KANSL1: variants seen among roughly 807,000 people sequenced by gnomAD.
The protein encoded by KANSL1 is KAT8 regulatory NSL complex subunit 1.
KANSL1 carries 22 observed loss-of-function variants against 103.6 expected under a neutral mutation model. That is an observed-to-expected ratio of 0.21 (90% CI 0.15 to 0.30). The LOEUF is 0.30. KANSL1 is among the 10% of genes least tolerant of loss of function. KANSL1 has a pLI of 1.00. For missense variants in KANSL1, 1,337 were observed against 1,399.8 expected (o/e 0.96, Z 0.72); for synonymous variants, 600 against 527.6 (o/e 1.14, Z -1.88).
At chr17:46,040,554 C>T (rs551824392) in intron 7 of KANSL1, 29 of 152,328 alleles carry the variant, frequency 1.9e-4, no homozygotes, top group African/African-American at 6.0e-4. Flanking sequence ...TAGATTTAAA[C>T]CATTTTCCTC....
upstream of KANSL1, among the ~76,000 whole-genome samples, chr17:46,195,847 A>G (rs937230729): frequency 5.3e-5 from 8 of 152,232 alleles, no homozygotes; most frequent in African/African-American, 1.7e-4. Context: ...TCTTATGAAG[A>G]GAAACAAATT....
At chr17:46,092,716 G>T (rs12051544) in intron 3 of KANSL1, among the ~76,000 whole-genome samples, 837 of 6,856 alleles carry the variant, frequency 0.12, 18 homozygotes, top group East Asian at 0.44. Flanking sequence ...TTTTTTTTTT[G>T]GGGGGGGGGG....
Position 46,115,351 on chromosome 17 carries a change from T to C in KANSL1, c.1290-20650A>G, listed in dbSNP as rs966900677. Among the ~76,000 whole-genome samples the C allele has an allele frequency of 6.6e-5, 10 of 152,294 alleles. No individual in the cohort carries two copies. In the East Asian group the frequency reaches 1.9e-3, roughly 29 times the overall value. On this transcript the variant is annotated intron_variant, in intron 2 of 14. Coordinates refer to ENST00000432791, the MANE Select transcript of KANSL1 (RefSeq NM_015443.4). ...CTGGGACTACAGACGTGAGCCACCG[T>C]GTCCAGCCTGTAAAGCAAGAATTTT...
At chr17:46,068,460 A>C (rs2078461615) in intron 4 of KANSL1, among the ~76,000 whole-genome samples, 1 of 152,056 alleles carries the variant, frequency 6.6e-6, no homozygotes. Flanking sequence ...CCAGCTACTC[A>C]GGAGGCTGAG....
intron 1 of KANSL1, among the ~76,000 whole-genome samples, chr17:46,211,323 C>G (rs2048163927): frequency 6.6e-6 from 1 of 151,504 alleles, no homozygotes; most frequent in South Asian, 2.1e-4. Context: ...TTCCCTGAGC[C>G]ACACTGGAAG....
At chr17:46,096,302 C>CTTTT (rs1273083741) in intron 2 of KANSL1, among the ~76,000 whole-genome samples, 1 of 82,572 alleles carries the variant, frequency 1.2e-5, no homozygotes, top group Admixed American at 1.5e-4. Flanking sequence ...ACATACCTGG[C>CTTTT]TTTTTTTTCT....
chr17:46,085,015 C>A (rs1250682607), intron 3 of KANSL1, among the ~76,000 whole-genome samples: 1 of 152,100 alleles, frequency 6.6e-6, no homozygotes, highest in Non-Finnish European at 1.5e-5. Flanking sequence ...ACAAAGCATG[C>A]CAAAAATCAT....
At chr17:46,130,252 C>T (rs903707883) in intron 2 of KANSL1, among the ~76,000 whole-genome samples, 2 of 148,870 alleles carry the variant, frequency 1.3e-5, no homozygotes, top group Non-Finnish European at 3.0e-5. Flanking sequence ...GCTGGAGACC[C>T]ACACCAGATA....
At chr17:46,159,911 G>A (rs748234479) in intron 2 of KANSL1, among the ~76,000 whole-genome samples, 28 of 152,222 alleles carry the variant, frequency 1.8e-4, no homozygotes, top group Non-Finnish European at 3.4e-4. Context: ...CAATGCTGGT[G>A]TCCACCCACG....
At chr17:46,196,271 A>G (rs1431545946), upstream of KANSL1, 3 of 447,040 alleles carry the variant, frequency 6.7e-6, no homozygotes, top group Admixed American at 2.5e-5. Flanking sequence ...AAACACCAAC[A>G]TATTTCAAAT....
intron 6 of KANSL1, among the ~76,000 whole-genome samples, chr17:46,062,114 C>CCA (rs2078187992): frequency 8.1e-5 from 3 of 37,126 alleles, no homozygotes; most frequent in East Asian, 2.3e-3. Context: ...AAAAAACAAA[C>CCA]AAACAAAAAA....
chr17:46,207,776 G>C (rs2696459), intron 1 of KANSL1, among the ~76,000 whole-genome samples: 21,950 of 151,900 alleles, frequency 0.14, 2,159 homozygotes, highest in Non-Finnish European at 0.22. Flanking sequence ...TCAGGAGTTT[G>C]AGACCAGCCT....
At chr17:46,108,113 G>T (rs8070420) in intron 2 of KANSL1, among the ~76,000 whole-genome samples, 53,280 of 151,828 alleles carry the variant, frequency 0.35, 9,645 homozygotes, top group South Asian at 0.6. Context: ...GGATAAGTTC[G>T]ATCATGTCAC....
upstream of KANSL1, chr17:46,196,659 A>G (rs1321144104): frequency 6.7e-6 from 2 of 297,386 alleles, no homozygotes; most frequent in East Asian, 1.9e-4. Flanking sequence ...AACAATAAAC[A>G]TTTATTAATT....
At chr17:46,031,728 G>T (rs752562186) in intron 14 of KANSL1, 25 bp from the exon 15 acceptor site, 4 of 1,569,216 alleles carry the variant, frequency 2.5e-6, no homozygotes, top group Non-Finnish European at 3.5e-6. Flanking sequence ...GTTGCTCTTT[G>T]AGGACCCAGT....
intron 2 of KANSL1, among the ~76,000 whole-genome samples, chr17:46,135,542 A>ATTTTTTTTTTTTTTTTT (rs34258265): frequency 8.4e-6 from 1 of 119,076 alleles, no homozygotes; most frequent in Non-Finnish European, 1.7e-5. Context: ...TCAACTATAC[A>ATTTTTTTTTTTTTTTTT]TTTTTTTTTT....
At chr17:46,114,202 T>C (rs1020128631) in intron 2 of KANSL1, among the ~76,000 whole-genome samples, 33 of 151,964 alleles carry the variant, frequency 2.2e-4, no homozygotes, top group African/African-American at 7.5e-4. Context: ...CTACTAAAAA[T>C]ACAAAAATTA....
At chr17:46,035,426 A>G (rs1434716628) in intron 10 of KANSL1, 1 of 152,238 alleles carries the variant, frequency 6.6e-6, no homozygotes, top group Non-Finnish European at 1.5e-5. Context: ...GTTAAAAGTC[A>G]GCACTTCCTG....
chr17:46,088,049 C>T (rs2079231997), intron 3 of KANSL1, among the ~76,000 whole-genome samples: 1 of 152,194 alleles, frequency 6.6e-6, no homozygotes, highest in East Asian at 1.9e-4. Flanking sequence ...TCAAGAGTCT[C>T]CTTTTCCTTC....
Sources: allele counts gnomAD v4.1 joint callset (sites outside exome capture counted in the v4.1 genomes callset), GRCh38; gene constraint gnomAD v4.1.1; transcripts MANE v1.5; gene names NCBI Gene and HGNC (gene_info 2026-07-23, HGNC 2026-07-21).